The following ZNF384 variants were observed in gnomAD, a reference collection of about 807,000 sequenced individuals.
ZNF384 encodes the protein zinc finger protein 384, also known as CAG repeat protein 1.
Under a neutral mutation model 65.0 loss-of-function variants are expected in ZNF384, and 20 were observed. That is an observed-to-expected ratio of 0.31 (90% CI 0.22 to 0.45). The LOEUF is 0.45. Among genes scored for constraint, ZNF384 ranks in the 20% least tolerant of loss-of-function variants. The pLI, the probability that ZNF384 is intolerant of heterozygous loss-of-function variation, is 1.00. For synonymous variants in ZNF384, 310 were observed against 303.9 expected (o/e 1.02, Z -0.21); for missense variants, 549 against 769.4 (o/e 0.71, Z 3.39).
At chr12:6,680,604 G>A (rs1047877048) in intron 2 of ZNF384, among the ~76,000 whole-genome samples, 1 of 150,492 alleles carries the variant, frequency 6.6e-6, no homozygotes, top group African/African-American at 2.5e-5. Context: ...CTGAGATCGC[G>A]CCACTGCACT....
chr12:6,686,623 A>T (rs982091127), intron 2 of ZNF384, among the ~76,000 whole-genome samples: 2 of 152,196 alleles, frequency 1.3e-5, no homozygotes, highest in Non-Finnish European at 2.9e-5. Flanking sequence ...TGGATGAATT[A>T]ACCATTTTAC....
chr12:6,676,553 G>A (rs1190815252), intron 7 of ZNF384, among the ~76,000 whole-genome samples: 1 of 152,160 alleles, frequency 6.6e-6, no homozygotes, highest in African/African-American at 2.4e-5. Context: ...GGGTCACAGT[G>A]AAGAAAGGGC....
At chr12:6,682,572 CGA>C (rs1250300364) in intron 2 of ZNF384, among the ~76,000 whole-genome samples, 6 of 151,948 alleles carry the variant, frequency 3.9e-5, no homozygotes, top group Admixed American at 3.9e-4. Context: ...CATTTAAGCC[CGA>C]GAGGCAGAGG....
At chr12:6,687,864 T>G (rs1490509137) in intron 2 of ZNF384, among the ~76,000 whole-genome samples, 2 of 152,118 alleles carry the variant, frequency 1.3e-5, no homozygotes, top group African/African-American at 4.8e-5. Flanking sequence ...AGAATAAAGA[T>G]TTCCCCTTTG....
rs1188870728 is a variant in ZNF384, at chr12:6,678,872, T to C, written c.304+74A>G. The C allele has an allele frequency of 6.5e-7, 1 of 1,529,226 alleles. No individual in the cohort carries two copies. Among genetic ancestry groups the C allele is most frequent in the South Asian group, 1.1e-5 (1 of 86,966 alleles). 94.7% of individuals were successfully genotyped at this position (1,529,226 alleles called of 1,614,324 possible). ...AACACATATCCCACTCCCCATGTCC[T>C]TGGAGCCCTCCAGCCTGGGGTACTG... On this transcript the variant is annotated intron_variant, in intron 4 of 11. Transcript: ENST00000683879. This position sits in a 1 kb window ranked among gnomAD's most constrained non-coding sequence, Gnocchi z 4.9.
At chr12:6,680,990 G>A (rs1955703950) in intron 2 of ZNF384, among the ~76,000 whole-genome samples, 1 of 152,076 alleles carries the variant, frequency 6.6e-6, no homozygotes, top group Admixed American at 6.5e-5. Flanking sequence ...GCCAAGACAG[G>A]CGGATCCCCT....
Position 6,672,514 on chromosome 12 carries a change from G to A in ZNF384, c.1023C>T (p.His341=). The A allele has an allele frequency of 6.2e-7, 1 of 1,614,016 alleles. No individual in the cohort carries two copies. The highest frequency in any genetic ancestry group is 8.5e-7 in the Non-Finnish European group (1 of 1,179,936). Residue 341 remains histidine, a synonymous_variant, in exon 9 of 12, where the codon CAC becomes CAT. Coordinates refer to ENST00000683879, the MANE Select transcript of ZNF384 (RefSeq NM_001385745.1). This position sits in a 1 kb window ranked among gnomAD's most constrained non-coding sequence, Gnocchi z 4.4. ...QQHTRIHSKM[H]TETIKPHKCP... is the part of the protein sequence containing the mutation. ...ACTTGTGGGGCTTGATGGTCTCCGT[G>A]TGCATCTTGGAGTGGATCCTGCCGG...
Position 6,673,136 on chromosome 12 carries a change from TGTG to T in ZNF384, c.1004+77_1004+79del, listed in dbSNP as rs1440394607. 1 of 1,269,846 alleles carries T rather than the reference TGTG, an allele frequency of 7.9e-7. No homozygotes were observed. Among genetic ancestry groups the T allele is most frequent in the Non-Finnish European group, 1.1e-6 (1 of 894,740 alleles). The allele number at this position is 1,269,846 out of a possible 1,614,324, so 78.7% of individuals were successfully genotyped here. ...AAGGTGAAAGGGAAAGAATAATACATGTGGAGAGAGGAGTAGGTGCAGGCAACA... is the reference window on the plus strand; with the variant it reads ...AAGGTGAAAGGGAAAGAATAATACATGAGAGAGGAGTAGGTGCAGGCAACA... On this transcript the variant is annotated intron_variant, in intron 8 of 11. Transcript: ENST00000683879. This position sits in a 1 kb window ranked among gnomAD's most constrained non-coding sequence, Gnocchi z 4.7.
In ZNF384 at chr12:6,672,257, G is replaced by T; in HGVS notation, c.1187+93C>A. ...TCTCCTCCAGCCAGGTCTCTCCCCC[G>T]CCCCCCGCATGCGGGTTGTTGTGTG... On this transcript the variant is annotated intron_variant, in intron 9 of 11. Transcript: ENST00000683879. The surrounding 1 kb of genome is among the most constrained non-coding windows in gnomAD (Gnocchi z 4.4). 1 of 1,382,078 alleles carries T rather than the reference G, an allele frequency of 7.2e-7. No individual in the cohort carries two copies. 85.6% of individuals were successfully genotyped at this position (1,382,078 alleles called of 1,614,324 possible).
chr12:6,684,972 A>C (rs1957372760), intron 2 of ZNF384, among the ~76,000 whole-genome samples: 2 of 152,146 alleles, frequency 1.3e-5, no homozygotes, highest in South Asian at 4.1e-4. Context: ...GGCACATATC[A>C]ACATTCTTAT....
intron 9 of ZNF384, chr12:6,671,656 G>C (rs569296004): frequency 6.6e-6 from 1 of 152,318 alleles, no homozygotes; most frequent in African/African-American, 2.4e-5. Context: ...AAGAAGCCGG[G>C]TGAGACGGTC....
intron 2 of ZNF384, 131 bp downstream of exon 2, chr12:6,688,033 CACA>C (rs796603469): frequency 1.3e-5 from 2 of 152,468 alleles, no homozygotes; most frequent in South Asian, 4.1e-4. Flanking sequence ...GATTTCTCTC[CACA>C]ACAATCTCAG....
At chr12:6,677,686 G>A (rs753907781) in intron 6 of ZNF384, among the ~76,000 whole-genome samples, 14 of 152,098 alleles carry the variant, frequency 9.2e-5, no homozygotes, top group Non-Finnish European at 1.6e-4. Context: ...ACCATGCAGG[G>A]TAAGGCAGGC....
chr12:6,675,552 T>C (rs1953174954), intron 7 of ZNF384, among the ~76,000 whole-genome samples: 1 of 152,192 alleles, frequency 6.6e-6, no homozygotes. Flanking sequence ...AGTCCTCTAA[T>C]GCAAGGTGCT....
At chr12:6,680,811 G>C (rs749799051) in intron 2 of ZNF384, among the ~76,000 whole-genome samples, 11 of 152,178 alleles carry the variant, frequency 7.2e-5, no homozygotes, top group Non-Finnish European at 1.3e-4. Context: ...TCTAGTTTTA[G>C]AAAGTGTCCT....
At chr12:6,682,055 G>A (rs1224866040) in intron 2 of ZNF384, among the ~76,000 whole-genome samples, 2 of 150,680 alleles carry the variant, frequency 1.3e-5, no homozygotes, top group Non-Finnish European at 2.9e-5. Context: ...ACTTTGGCAG[G>A]CCTACGCAGG....
chr12:6,684,306 G>C (rs1005490233), intron 2 of ZNF384, among the ~76,000 whole-genome samples: 2 of 152,110 alleles, frequency 1.3e-5, no homozygotes, highest in Admixed American at 1.3e-4. Flanking sequence ...ACTTTCTGAT[G>C]TTATGGCTTG....
intron 10 of ZNF384, among the ~76,000 whole-genome samples, chr12:6,670,497 G>T (rs777571480): frequency 6.6e-6 from 1 of 152,122 alleles, no homozygotes; most frequent in Non-Finnish European, 1.5e-5. Flanking sequence ...TTTTTGGAGG[G>T]TCTTGGAATA....
At position 6,666,889 on chromosome 12, in the gene ZNF384, C is replaced by G. The variant is rs74057057; in HGVS notation, c.*825G>C. 5.3e-6 allele frequency: 1 copy of G among 189,576 alleles called. No homozygotes were observed. The highest frequency in any genetic ancestry group is 1.1e-5 in the Non-Finnish European group (1 of 90,294). The allele number at this position is 189,576 out of a possible 1,614,324, so 11.7% of individuals were successfully genotyped here. A position where few individuals can be genotyped will look rare whatever the true frequency, so the allele number is the denominator to read the frequency against. On this transcript the variant is annotated 3_prime_UTR_variant, in exon 12 of 12. Transcript: ENST00000683879. ...CCTAGGGAGCTAAGTCCAGTCCTTG[C>G]GTTTGCCTTGAACTCTCCCTTCTCC...
Sources: allele counts gnomAD v4.1 joint callset (sites outside exome capture counted in the v4.1 genomes callset), GRCh38; gene constraint gnomAD v4.1.1; non-coding constraint Gnocchi (gnomAD v3.1); transcripts MANE v1.5; gene names NCBI Gene and HGNC (gene_info 2026-07-23, HGNC 2026-07-21).